SAMD12: variants seen among roughly 807,000 people sequenced by gnomAD.
SAMD12 encodes the protein sterile alpha motif domain-containing protein 12.
SAMD12 carries 9 observed loss-of-function variants against 15.0 expected under a neutral mutation model. The observed-to-expected ratio is 0.60, with a 90% CI of 0.36 to 1.05. The LOEUF (loss-of-function observed/expected upper bound fraction) is 1.05. Ranked by LOEUF, SAMD12 falls within the 50% of genes least tolerant of loss-of-function variation. The pLI, the probability that SAMD12 is intolerant of heterozygous loss-of-function variation, is 0.01. For missense variants in SAMD12, 230 were observed against 234.2 expected (o/e 0.98, Z 0.12); for synonymous variants, 86 against 90.1 (o/e 0.96, Z 0.25).
At position 118,215,598 on chromosome 8, in the gene SAMD12, A is replaced by G. The variant is rs372910257; in HGVS notation, c.434-17866T>C. On this transcript the variant is annotated intron_variant, in intron 4 of 4. Coordinates refer to the SAMD12 transcript ENST00000409003. ...CATCTAGCATTATGTATATCTCCCA[A>G]TGCTATCCCTCCCCTCTCCCCCCAC... Among the ~76,000 whole-genome samples the G allele has an allele frequency of 8.9e-3, 1,354 of 151,886 alleles. 23 individuals carry two copies. Among genetic ancestry groups the G allele is most frequent in the African/African-American group, 0.03 (1,236 of 41,372 alleles).
At chr8:118,253,454 A>G (rs997425074) in intron 4 of SAMD12, among the ~76,000 whole-genome samples, 1 of 152,222 alleles carries the variant, frequency 6.6e-6, no homozygotes, top group African/African-American at 2.4e-5. Context: ...TTATGTTTAA[A>G]TAGAATGTCC....
intron 1 of SAMD12, among the ~76,000 whole-genome samples, chr8:118,603,357 A>C (rs1463055743): frequency 1.3e-5 from 2 of 152,216 alleles, no homozygotes; most frequent in East Asian, 3.8e-4. Context: ...AGACTGGAGA[A>C]AAGATTCAAT....
chr8:118,349,893 T>C (rs1267578890), intron 4 of SAMD12, among the ~76,000 whole-genome samples: 1 of 152,168 alleles, frequency 6.6e-6, no homozygotes, highest in East Asian at 1.9e-4. Context: ...CTTGGGAAGC[T>C]AAGCTGGGAG....
the SAMD12 span, among the ~76,000 whole-genome samples, chr8:118,170,923 A>T: frequency 6.6e-6 from 1 of 152,226 alleles, no homozygotes; most frequent in East Asian, 1.9e-4. Flanking sequence ...TGCAAATCTT[A>T]TATCTGATAA....
intron 2 of SAMD12, among the ~76,000 whole-genome samples, chr8:118,532,409 T>G (rs1825714657): frequency 6.6e-6 from 1 of 152,148 alleles, no homozygotes; most frequent in South Asian, 2.1e-4. Flanking sequence ...TTTTTTTTGT[T>G]GTGTCTCTGC....
intron 4 of SAMD12, among the ~76,000 whole-genome samples, chr8:118,222,962 A>G (rs1812114356): frequency 6.6e-6 from 1 of 152,178 alleles, no homozygotes; most frequent in African/African-American, 2.4e-5. Flanking sequence ...TGTCAAAACT[A>G]CAGGTAAGTC....
the SAMD12 span, among the ~76,000 whole-genome samples, chr8:118,147,485 C>A: frequency 6.6e-6 from 1 of 151,008 alleles, no homozygotes; most frequent in African/African-American, 2.4e-5. Context: ...CTCAGCCTCC[C>A]GAGTAGCTGG....
chr8:118,451,386 C>T (rs532160314), intron 2 of SAMD12, among the ~76,000 whole-genome samples: 2 of 152,312 alleles, frequency 1.3e-5, no homozygotes, highest in Admixed American at 1.3e-4. Context: ...GGACCAGCCA[C>T]ATGACTCCAA....
At chr8:118,448,938 CCCACATATAATGTTTA>C (rs2130910289) in intron 2 of SAMD12, among the ~76,000 whole-genome samples, 1 of 152,312 alleles carries the variant, frequency 6.6e-6, no homozygotes, top group Non-Finnish European at 1.5e-5. Context: ...AATAGTGCCT[CCCACATATAATGTTTA>C]CCGAAAGTGT....
intron 3 of SAMD12, among the ~76,000 whole-genome samples, chr8:118,415,153 T>C (rs4876412): frequency 0.92 from 140,103 of 152,174 alleles, 64,895 homozygotes; most frequent in Non-Finnish European, 0.98. Flanking sequence ...CCTAGAGGAG[T>C]TCAAAACAAC....
intron 3 of SAMD12, among the ~76,000 whole-genome samples, chr8:118,383,186 C>G (rs148235470): frequency 3.3e-5 from 5 of 152,260 alleles, no homozygotes; most frequent in African/African-American, 1.2e-4. Flanking sequence ...TTATAGAGCA[C>G]TCACTAGGCC....
chr8:118,335,627 C>G (rs1817020513), intron 4 of SAMD12, among the ~76,000 whole-genome samples: 1 of 152,198 alleles, frequency 6.6e-6, no homozygotes, highest in African/African-American at 2.4e-5. Flanking sequence ...ATCTACCACC[C>G]TAGGGAATGG....
At chr8:118,558,877 T>C (rs570534677) in intron 2 of SAMD12, among the ~76,000 whole-genome samples, 22 of 152,138 alleles carry the variant, frequency 1.4e-4, no homozygotes, top group African/African-American at 2.7e-4. Flanking sequence ...TAAGACTTCA[T>C]GAAGAAGTGG....
At chr8:118,521,819 A>G (rs1825395515) in intron 2 of SAMD12, among the ~76,000 whole-genome samples, 1 of 152,176 alleles carries the variant, frequency 6.6e-6, no homozygotes, top group South Asian at 2.1e-4. Flanking sequence ...TTGGCATTCA[A>G]CCAGACTCAG....
chr8:118,211,654 T>C (rs541468097), intron 4 of SAMD12, among the ~76,000 whole-genome samples: 1 of 152,352 alleles, frequency 6.6e-6, no homozygotes, highest in South Asian at 2.1e-4. Flanking sequence ...TATAAAATTA[T>C]GAGGCCCTTA....
the SAMD12 span, among the ~76,000 whole-genome samples, chr8:118,177,292 G>A: frequency 6.8e-6 from 1 of 147,874 alleles, no homozygotes; most frequent in Non-Finnish European, 1.5e-5. Context: ...CCAGGCTAAA[G>A]TGCAGTGGTA....
chr8:118,350,163 C>T (rs1238197167), intron 4 of SAMD12, among the ~76,000 whole-genome samples: 1 of 152,150 alleles, frequency 6.6e-6, no homozygotes, highest in Non-Finnish European at 1.5e-5. Context: ...TACCAGCTCT[C>T]TTACTCCACA....
intron 2 of SAMD12, among the ~76,000 whole-genome samples, chr8:118,460,295 G>A (rs748183394): frequency 6.6e-6 from 1 of 152,148 alleles, no homozygotes; most frequent in Non-Finnish European, 1.5e-5. Context: ...TGGAAGGAAG[G>A]TTCATTTATT....
intron 3 of SAMD12, among the ~76,000 whole-genome samples, chr8:118,427,782 G>A (rs1351399104): frequency 6.6e-6 from 1 of 152,124 alleles, no homozygotes; most frequent in Non-Finnish European, 1.5e-5. Flanking sequence ...CATTTCTCCT[G>A]GGTAGATACC....
Sources: allele counts gnomAD v4.1 joint callset (sites outside exome capture counted in the v4.1 genomes callset), GRCh38; gene constraint gnomAD v4.1.1; transcripts MANE v1.5; gene names NCBI Gene and HGNC (gene_info 2026-07-23, HGNC 2026-07-21).